The following KIF4A variants were observed in gnomAD, a reference collection of about 807,000 sequenced individuals.
The protein encoded by KIF4A is chromosome-associated kinesin KIF4A.
KIF4A carries 7 observed loss-of-function variants against 105.9 expected under a neutral mutation model. The observed-to-expected ratio is 0.07, with a 90% CI of 0.04 to 0.12. KIF4A has a LOEUF of 0.12. Among genes scored for constraint, KIF4A ranks in the 10% least tolerant of loss-of-function variants. KIF4A has a pLI of 1.00. For missense variants in KIF4A, 558 were observed against 929.2 expected, an observed-to-expected ratio of 0.60 and a Z score of 5.19; for synonymous variants, 281 against 331.3, an observed-to-expected ratio of 0.85 and a Z score of 1.65.
intron 15 of KIF4A, among the ~76,000 whole-genome samples, chrX:70,367,983 C>G (rs1429824482): frequency 9.0e-6 from 1 of 111,665 alleles, no homozygotes; most frequent in South Asian, 3.8e-4. Flanking sequence ...CTTATCTTCT[C>G]GCTTCATTTC....
At chrX:70,416,345 CTTT>C (rs376059238) in intron 28 of KIF4A, among the ~76,000 whole-genome samples, 22 of 62,766 alleles carry the variant, frequency 3.5e-4, no homozygotes, top group African/African-American at 1.0e-3. Context: ...TCTGCACAGT[CTTT>C]TTTTTTTTTT....
intron 15 of KIF4A, among the ~76,000 whole-genome samples, chrX:70,364,339 G>A (rs2086091248): frequency 9.1e-6 from 1 of 110,467 alleles, no homozygotes; most frequent in South Asian, 3.9e-4. Context: ...GAATGGTATT[G>A]CCTAGGTTTT....
intron 7 of KIF4A, among the ~76,000 whole-genome samples, chrX:70,326,539 T>G (rs2085911529): frequency 8.9e-6 from 1 of 112,410 alleles, no homozygotes. Context: ...AGCTGTGAAG[T>G]TATATTTCTC....
chrX:70,343,202 T>C (rs1206050674), intron 11 of KIF4A, among the ~76,000 whole-genome samples: 1 of 111,597 alleles, frequency 9.0e-6, no homozygotes, highest in Non-Finnish European at 1.9e-5. Context: ...AAATCTCAGC[T>C]CAAATTTAGT....
chrX:70,336,326 GTA>G (rs1317545356), intron 10 of KIF4A, among the ~76,000 whole-genome samples: 2 of 111,974 alleles, frequency 1.8e-5, no homozygotes, highest in African/African-American at 6.5e-5. Flanking sequence ...TAACCTGTGT[GTA>G]TATATTTTTG....
chrX:70,403,566 G>C (rs1431629250), intron 23 of KIF4A, among the ~76,000 whole-genome samples: 1 of 112,803 alleles, frequency 8.9e-6, no homozygotes, highest in Admixed American at 9.4e-5. Flanking sequence ...GATACTATTC[G>C]GGTTAGCTTT....
intron 15 of KIF4A, among the ~76,000 whole-genome samples, chrX:70,359,275 T>C (rs62606853): frequency 0.044 from 4,944 of 111,359 alleles, 114 homozygotes; most frequent in South Asian, 0.15. Context: ...TCCATGTTAA[T>C]AGGACATACA....
intron 7 of KIF4A, among the ~76,000 whole-genome samples, chrX:70,316,631 A>G (rs2085870731): frequency 8.9e-6 from 1 of 111,756 alleles, no homozygotes. Flanking sequence ...ATACAGTTCA[A>G]CGAATGTTCA....
chrX:70,363,845 T>G (rs1375290979), intron 15 of KIF4A, among the ~76,000 whole-genome samples: 2 of 112,315 alleles, frequency 1.8e-5, no homozygotes, highest in Non-Finnish European at 3.8e-5. Context: ...TGAACTAGTT[T>G]CCAGTCCCAC....
rs2086173987 is a variant in KIF4A, at chrX:70,376,084, G to T, written c.1924-16G>T. 1 of 1,128,800 alleles carries T rather than the reference G, an allele frequency of 8.9e-7. No homozygotes were observed. The allele number at this position is 1,128,800 out of a possible 1,213,427, so 93.0% of individuals were successfully genotyped here. ...CTGCAGATGACTAATACTTTTGCTG[G>T]TTTTTGTTTTTATAGATGATGAAAA... On this transcript the variant is annotated splice_polypyrimidine_tract_variant and intron_variant, in intron 17 of 30. Transcript: ENST00000374403.
chrX:70,395,599 C>T (rs936410273), intron 20 of KIF4A, 72 bp from the exon 21 acceptor site: 1 of 1,162,491 alleles, frequency 8.6e-7, no homozygotes, highest in East Asian at 3.0e-5. Context: ...GAAGTTAAGT[C>T]TGGAGCTGAA....
intron 5 of KIF4A, among the ~76,000 whole-genome samples, chrX:70,299,639 A>T (rs1241452531): frequency 9.0e-6 from 1 of 111,647 alleles, no homozygotes; most frequent in Non-Finnish European, 1.9e-5. Flanking sequence ...GCACAGATAG[A>T]TACAGAACAT....
intron 19 of KIF4A, 51 bp from the exon 20 acceptor site, chrX:70,387,132 AT>A (rs571605365): frequency 0.076 from 40,801 of 534,021 alleles, no homozygotes; most frequent in East Asian, 0.09. Flanking sequence ...TAGAAATTGG[AT>A]TTTTTTTTTT....
intron 18 of KIF4A, among the ~76,000 whole-genome samples, chrX:70,380,480 ACT>A (rs761608401): frequency 8.2e-4 from 92 of 112,161 alleles, no homozygotes; most frequent in Admixed American, 1.7e-3. Context: ...AAAATCTAAC[ACT>A]CATGATAAAA....
chrX:70,408,264 AG>A (rs1408962976), intron 28 of KIF4A, among the ~76,000 whole-genome samples: 1 of 111,284 alleles, frequency 9.0e-6, no homozygotes, highest in East Asian at 2.8e-4. Context: ...ATAGACCAGA[AG>A]TTGAGTGGGT....
At position 70,330,296 on chromosome X, in the gene KIF4A, T is replaced by A. The variant is rs1209950549; in HGVS notation, c.1035T>A (p.Asp345Glu). 8.3e-7 allele frequency: 1 copy of A among 1,210,937 alleles called. No homozygotes were observed. Among genetic ancestry groups the A allele is most frequent in the South Asian group, 1.8e-5 (1 of 56,875 alleles). The change falls in exon 9 of 31, where the codon GAT (aspartate) becomes GAA (glutamate). Residue 345 changes from aspartate to glutamate, a missense_variant. By Grantham distance (45) the Asp-to-Glu change is conservative (BLOSUM62 2). Transcript: ENST00000374403. ...KIKNKPIVNI[D>E]PQTAELNHLK... is the part of the protein sequence containing the mutation. ...AGAACAAACCTATTGTTAATATTGA[T>A]CCCCAGACAGCTGAACTTAATCATC...
At position 70,393,720 on chromosome X, in the gene KIF4A, T is replaced by G. The variant is rs754946450; in HGVS notation, c.2233-1951T>G. On this transcript the variant is annotated intron_variant, in intron 20 of 30. Transcript: ENST00000374403. ...CTTTTTATTAATGTTAGTATGTTGT[T>G]TTTTTTTTTGTCATGGTGTATTTAA... 2.8e-3 allele frequency among the ~76,000 whole-genome samples: 281 copies of G among 99,342 alleles called. 1 individual carries two copies. Among genetic ancestry groups the G allele is most frequent in the African/African-American group, 9.1e-3 (265 of 29,146 alleles). The allele number at this position is 99,342 out of a possible 115,157, so 86.3% of individuals were successfully genotyped here.
intron 18 of KIF4A, among the ~76,000 whole-genome samples, chrX:70,380,002 A>G (rs1329300902): frequency 4.5e-5 from 5 of 111,038 alleles, no homozygotes; most frequent in Non-Finnish European, 7.5e-5. Flanking sequence ...AAATCCATCA[A>G]CATTTAAAAA....
At chrX:70,316,166 A>G (rs900846603) in intron 7 of KIF4A, among the ~76,000 whole-genome samples, 8 of 111,969 alleles carry the variant, frequency 7.1e-5, no homozygotes, top group African/African-American at 1.9e-4. Context: ...AGATGCTACC[A>G]AACTCCCATG....
Sources: gnomAD v4.1 joint callset for allele counts (sites outside exome capture counted in the v4.1 genomes callset) on GRCh38, gnomAD v4.1.1 for gene constraint, MANE v1.5 for transcripts, NCBI Gene and HGNC (gene_info 2026-07-23, HGNC 2026-07-21) for gene names.